PTPN21: variants seen among roughly 807,000 people sequenced by gnomAD.
The protein encoded by PTPN21 is protein tyrosine phosphatase non-receptor type 21, also known as tyrosine-protein phosphatase non-receptor type 21.
A neutral mutation model predicts 131.8 loss-of-function variants in PTPN21; 77 were observed. The ratio of observed to expected loss-of-function variants is 0.58; its 90% confidence interval spans 0.49 to 0.71. PTPN21 has a LOEUF of 0.71. Ranked by LOEUF, PTPN21 falls within the 30% of genes least tolerant of loss-of-function variation. The pLI is 0.00. For missense variants in PTPN21, 1,552 were observed against 1,527.1 expected (o/e 1.02, Z -0.27); for synonymous variants, 715 against 621.3 (o/e 1.15, Z -2.24).
At position 88,472,259 on chromosome 14, in the gene PTPN21, G is replaced by A. The variant is rs61747987; in HGVS notation, c.2856C>T (p.Asn952=). ...PTKENNTGYI[N]ASHIKVSVSG... ...TTCCTCTCACCTTAATATGTGATGC[G>A]TTGATGTAACCAGTGTTGTTTTCTT... is the stretch of plus-strand genomic sequence containing the variant. Residue 952 remains asparagine, a synonymous_variant, in exon 15 of 19, where the codon AAC becomes AAT. Transcript: ENST00000556564. 309 of 1,609,020 alleles carry A rather than the reference G, an allele frequency of 1.9e-4. No individual in the cohort carries two copies. The African/African-American group carries it at 3.2e-3, about 17-fold the overall frequency.
chr14:88,527,537 C>T (rs967015476), intron 2 of PTPN21, among the ~76,000 whole-genome samples: 4 of 152,070 alleles, frequency 2.6e-5, no homozygotes, highest in Admixed American at 6.6e-5. Context: ...GTCTGAGTTC[C>T]TTGTGGATTC....
intron 4 of PTPN21, among the ~76,000 whole-genome samples, chr14:88,506,887 C>G (rs562897882): frequency 6.6e-6 from 1 of 151,912 alleles, no homozygotes; most frequent in African/African-American, 2.4e-5. Flanking sequence ...ACTAAAAATA[C>G]AAAAATTAGT....
Position 88,479,381 on chromosome 14 carries a change from G to T in PTPN21, c.2050C>A (p.Arg684=). The change falls in exon 13 of 19, where the codon CGA becomes AGA. Residue 684 remains arginine (R), a synonymous_variant. Coordinates refer to ENST00000556564, the MANE Select transcript of PTPN21 (RefSeq NM_007039.4). ...CCCTCCGCCTCCTCCGGCCCTTCTCGCTGTGTCCTCTCGGTGAAAACGCTG... is the reference window on the plus strand; with the variant it reads ...CCCTCCGCCTCCTCCGGCCCTTCTCTCTGTGTCCTCTCGGTGAAAACGCTG... ...QPSVFTERTQ[R]EGPEEAEGLR... is the part of the protein sequence containing the mutation. 1 of 1,608,858 alleles carries T rather than the reference G, an allele frequency of 6.2e-7. No individual in the cohort carries two copies.
intron 2 of PTPN21, among the ~76,000 whole-genome samples, chr14:88,536,892 A>G (rs567559380): frequency 3.2e-4 from 48 of 152,328 alleles, no homozygotes; most frequent in African/African-American, 1.1e-3. Context: ...TAACAAGGGT[A>G]GTTAACAAGT....
chr14:88,553,746 C>G (rs1405316961), intron 1 of PTPN21, among the ~76,000 whole-genome samples: 1 of 151,990 alleles, frequency 6.6e-6, no homozygotes, highest in Non-Finnish European at 1.5e-5. Context: ...CTCTCTACAA[C>G]CCTTTCCAAA....
Position 88,472,372 on chromosome 14 carries a change from T to A in PTPN21, c.2743A>T (p.Thr915Ser). Residue 915 changes from threonine (T) to serine (S), a missense_variant, in exon 15 of 19, where the codon ACA becomes TCA. Around this residue, in one of 4 missense-constraint regions of PTPN21, gnomAD observed 316 missense variants for 378.5 expected, o/e 0.83. Coordinates refer to ENST00000556564, the MANE Select transcript of PTPN21 (RefSeq NM_007039.4). ...TCTGCATTTTCAGGGAGTCGTGCTG[T>A]TGAGCACTCCCCATCAACTAGCCGT... ...KKRLVDGECS[T>S]ARLPENAERN... is the part of the protein sequence containing the mutation. 6.2e-7 allele frequency: 1 copy of A among 1,613,792 alleles called. No homozygotes were observed. Among genetic ancestry groups the A allele is most frequent in the Non-Finnish European group, 8.5e-7 (1 of 1,179,658 alleles).
At chr14:88,531,514 G>A (rs376682968) in intron 2 of PTPN21, among the ~76,000 whole-genome samples, 11 of 152,048 alleles carry the variant, frequency 7.2e-5, no homozygotes, top group African/African-American at 2.4e-4. Context: ...CCGAGATTGC[G>A]CCACTGCACT....
chr14:88,544,695 G>A (rs1378582417), intron 2 of PTPN21, among the ~76,000 whole-genome samples: 2 of 152,156 alleles, frequency 1.3e-5, no homozygotes, highest in African/African-American at 4.8e-5. Context: ...TTACTAAGCA[G>A]CCATCTCAAG....
At chr14:88,497,076 T>G (rs2077929594) in intron 9 of PTPN21, 127 bp downstream of exon 9, 3 of 867,400 alleles carry the variant, frequency 3.5e-6, no homozygotes. Flanking sequence ...AAACTGCATG[T>G]TTTATACAAT....
At chr14:88,526,803 C>T (rs2078485793) in intron 2 of PTPN21, among the ~76,000 whole-genome samples, 1 of 152,068 alleles carries the variant, frequency 6.6e-6, no homozygotes, top group Non-Finnish European at 1.5e-5. Context: ...ATCATTCACC[C>T]CATTCCCATC....
At chr14:88,484,868 C>T (rs913395536) in intron 12 of PTPN21, among the ~76,000 whole-genome samples, 1 of 148,648 alleles carries the variant, frequency 6.7e-6, no homozygotes, top group Middle Eastern at 3.2e-3. Flanking sequence ...GCCTGGGTGA[C>T]ACATTGAGAC....
At position 88,550,342 on chromosome 14, in the gene PTPN21, G is replaced by C; in HGVS notation, c.76C>G (p.Arg26Gly). ...AACTCGTTATTAAGCAGTTGGATCC[G>C]GGCAACCAGGCAACTCTTGCTGGAC... Reference protein sequence around the residue: ...TVSSKSCLVARIQLLNNEFVE... With the variant: ...TVSSKSCLVAGIQLLNNEFVE... The change falls in exon 2 of 19, where the codon CGG becomes GGG. Residue 26 changes from arginine (R) to glycine (G), a missense_variant. Physicochemically the swap from Arg to Gly is moderately radical, Grantham distance 125. Around this residue, in one of 4 missense-constraint regions of PTPN21, gnomAD observed 206 missense variants for 221.6 expected, o/e 0.93. Transcript: ENST00000556564. 2 of 1,614,212 alleles carry C rather than the reference G, an allele frequency of 1.2e-6. No individual in the cohort carries two copies. Among genetic ancestry groups the C allele is most frequent in the Non-Finnish European group, 1.7e-6 (2 of 1,180,030 alleles).
chr14:88,530,875 G>C (rs1024140508), intron 2 of PTPN21, among the ~76,000 whole-genome samples: 4 of 152,034 alleles, frequency 2.6e-5, no homozygotes, highest in Non-Finnish European at 5.9e-5. Context: ...CACTAGACAG[G>C]TCATCAAGAC....
intron 12 of PTPN21, among the ~76,000 whole-genome samples, chr14:88,482,875 G>A (rs1262115526): frequency 5.3e-5 from 8 of 151,424 alleles, no homozygotes; most frequent in Non-Finnish European, 1.0e-4. Context: ...AGGAGTGGGC[G>A]GGTAACCAGC....
rs1023107857 is a variant in PTPN21, at chr14:88,508,024, T to C, written c.351-4A>G. On this transcript the variant is annotated splice_region_variant and splice_polypyrimidine_tract_variant and intron_variant, in intron 3 of 18. Coordinates refer to ENST00000556564, the MANE Select transcript of PTPN21 (RefSeq NM_007039.4). ...CAGTTGCAGATAATACTGATACCTA[T>C]AAAAAATGTCAGTTGTATAAGGTCA... 2 of 1,521,368 alleles carry C rather than the reference T, an allele frequency of 1.3e-6. No homozygotes were observed. The highest frequency in any genetic ancestry group is 9.1e-7 in the Non-Finnish European group (1 of 1,103,990). The allele number at this position is 1,521,368 out of a possible 1,614,324, so 94.2% of individuals were successfully genotyped here. A position where few individuals can be genotyped will look rare whatever the true frequency, so the allele number is the denominator to read the frequency against.
Position 88,467,230 on chromosome 14 carries a change from G to A in PTPN21, c.*907C>T, listed in dbSNP as rs2077378691. ...GCTTCTCAGCGCCCATTGTTATTGT[G>A]TCATCTACAAAGCAACACATATATT... is the stretch of plus-strand genomic sequence containing the variant. On this transcript the variant is annotated 3_prime_UTR_variant, in exon 19 of 19. Coordinates refer to ENST00000556564, the MANE Select transcript of PTPN21 (RefSeq NM_007039.4). The A allele has an allele frequency of 6.6e-6, 1 of 152,056 alleles. No individual in the cohort carries two copies. Among genetic ancestry groups the A allele is most frequent in the Non-Finnish European group, 1.5e-5 (1 of 68,024 alleles). The allele number at this position is 152,056 out of a possible 1,614,324, so 9.4% of individuals were successfully genotyped here. A position where few individuals can be genotyped will look rare whatever the true frequency, so the allele number is the denominator to read the frequency against.
At position 88,469,789 on chromosome 14, in the gene PTPN21, C is replaced by T; in HGVS notation, c.3001-56G>A. ...GAGATCCGGCAATGGATGCCTTTCT[C>T]ACATAGACGGCACATCTGAAACAGA... On this transcript the variant is annotated intron_variant, in intron 16 of 18. Transcript: ENST00000556564. This position sits in a 1 kb window ranked among gnomAD's most constrained non-coding sequence, Gnocchi z 4.3. 6.3e-7 allele frequency: 1 copy of T among 1,599,716 alleles called. No individual in the cohort carries two copies.
Position 88,479,613 on chromosome 14 carries a change from G to A in PTPN21, c.1818C>T (p.Phe606=), listed in dbSNP as rs756588297. 6 of 1,582,174 alleles carry A rather than the reference G, an allele frequency of 3.8e-6. No homozygotes were observed. Among genetic ancestry groups the A allele is most frequent in the East Asian group, 4.5e-5 (2 of 44,492 alleles). ...TRRVHHSVQT[F]QEDSLPVAHS... is the part of the protein sequence containing the mutation. ...GCGCCACGGGCAGGCTGTCCTCCTG[G>A]AACGTTTGCACCGAGTGGTGCACGC... Residue 606 remains phenylalanine, a synonymous_variant, in exon 13 of 19, where the codon TTC becomes TTT. Coordinates refer to ENST00000556564, the MANE Select transcript of PTPN21 (RefSeq NM_007039.4).
intron 12 of PTPN21, among the ~76,000 whole-genome samples, chr14:88,484,222 T>G (rs2077698740): frequency 6.6e-6 from 1 of 151,738 alleles, no homozygotes; most frequent in Non-Finnish European, 1.5e-5. Flanking sequence ...TATTTTTTTT[T>G]TTTTTTTTTG....
Sources: gnomAD v4.1 joint callset for allele counts (sites outside exome capture counted in the v4.1 genomes callset) on GRCh38, gnomAD v4.1.1 for gene constraint, gnomAD v4.1.1 regional missense constraint, Gnocchi (gnomAD v3.1) non-coding constraint, MANE v1.5 for transcripts, NCBI Gene and HGNC (gene_info 2026-07-23, HGNC 2026-07-21) for gene names.